The following ZRANB3 variants were observed in gnomAD, a reference collection of about 807,000 sequenced individuals.
ZRANB3 encodes the protein zinc finger RANBP2-type containing 3, also known as DNA annealing helicase and endonuclease ZRANB3.
ZRANB3 carries 125 observed loss-of-function variants against 133.8 expected under a neutral mutation model. That is an observed-to-expected ratio of 0.93 (90% confidence interval 0.81 to 1.08). The LOEUF is 1.08. Ranked by LOEUF, ZRANB3 falls within the 50% of genes least tolerant of loss-of-function variation. The pLI is 0.00. For missense variants in ZRANB3, 1,229 were observed against 1,275.5 expected, an observed-to-expected ratio of 0.96 and a Z score of 0.56; for synonymous variants, 387 against 432.7, an observed-to-expected ratio of 0.89 and a Z score of 1.31.
intron 8 of ZRANB3, among the ~76,000 whole-genome samples, chr2:135,304,833 CTTA>C (rs1184615932): frequency 6.6e-6 from 1 of 151,926 alleles, no homozygotes; most frequent in Non-Finnish European, 1.5e-5. Context: ...ATGATATTCT[CTTA>C]TTATCTTTTT....
At chr2:135,283,351 C>T (rs921123024) in intron 8 of ZRANB3, among the ~76,000 whole-genome samples, 1 of 150,920 alleles carries the variant, frequency 6.6e-6, no homozygotes, top group Non-Finnish European at 1.5e-5. Flanking sequence ...TGGCTCACGC[C>T]TGTAATCCCA....
chr2:135,217,663 G>T lies in ZRANB3; in HGVS notation c.2353-56C>A, dbSNP rs954490956. On this transcript the variant is annotated intron_variant, in intron 16 of 20. Coordinates refer to ENST00000264159, the MANE Select transcript of ZRANB3 (RefSeq NM_032143.4). ...AGCTCACAGGCAGATATCTTCCTTT[G>T]AATGTGAGCCTATTTACAACATCAG... The T allele has an allele frequency of 6.4e-6, 10 of 1,571,144 alleles. No homozygotes were observed. The African/African-American group carries it at 1.4e-4, about 21-fold the overall frequency.
At chr2:135,444,702 G>A (rs1689938058) in intron 2 of ZRANB3, among the ~76,000 whole-genome samples, 1 of 152,182 alleles carries the variant, frequency 6.6e-6, no homozygotes. Flanking sequence ...AAACTTTTTG[G>A]TAAAACGGAA....
chr2:135,382,927 A>T (rs1232038237), intron 3 of ZRANB3, among the ~76,000 whole-genome samples: 2 of 152,258 alleles, frequency 1.3e-5, no homozygotes, highest in Non-Finnish European at 2.9e-5. Flanking sequence ...AAGAAAGTGC[A>T]TCAACTAACG....
chr2:135,219,127 G>T lies in ZRANB3; in HGVS notation c.2302C>A (p.Leu768Ile). ...NFIPLDIKLD[L>I]WEDLPASFQL... ...AAGCTTGCTGGTAAATCTTCCCAAA[G>T]GTCTAATTTTATATCCAGAGGAATG... The change falls in exon 16 of 21, where the codon CTT becomes ATT. Residue 768 changes from leucine to isoleucine, a missense_variant. Transcript: ENST00000264159. The T allele has an allele frequency of 6.5e-7, 1 of 1,538,324 alleles. No individual in the cohort carries two copies. Among genetic ancestry groups the T allele is most frequent in the Non-Finnish European group, 8.7e-7 (1 of 1,147,174 alleles).
At chr2:135,407,416 C>A (rs945190197) in intron 2 of ZRANB3, among the ~76,000 whole-genome samples, 2 of 151,524 alleles carry the variant, frequency 1.3e-5, no homozygotes, top group African/African-American at 4.9e-5. Context: ...TTTATAGATT[C>A]AATGCCATCC....
chr2:135,316,799 C>T (rs56130653), intron 6 of ZRANB3, among the ~76,000 whole-genome samples: 4 of 151,796 alleles, frequency 2.6e-5, no homozygotes, highest in Non-Finnish European at 2.9e-5. Context: ...GACCCTGTCT[C>T]TGCTAAAAAT....
intron 2 of ZRANB3, among the ~76,000 whole-genome samples, chr2:135,496,401 A>C (rs1421565767): frequency 2.7e-5 from 4 of 145,990 alleles, no homozygotes; most frequent in African/African-American, 5.4e-5. Context: ...AAAAAAAAAA[A>C]AAAAAAAAAA....
chr2:135,353,470 A>C lies in ZRANB3; in HGVS notation c.339T>G (p.Ile113Met). The C allele has an allele frequency of 6.3e-7, 1 of 1,594,648 alleles. No homozygotes were observed. The highest frequency in any genetic ancestry group is 2.3e-5 in the East Asian group (1 of 44,258). Residue 113 changes from isoleucine to methionine, a missense_variant, in exon 4 of 21, where the codon ATT (isoleucine) becomes ATG (methionine). Transcript: ENST00000264159. The stretch of plus-strand genomic sequence containing the variant: ...CTTACCTAACATCAGTTTTATTCTG[A>C]ATAACATTGATTTCTTCTGGACTTA... ...PELSPEEINVIQNKTDVRRMS... is the reference protein window; with the variant it reads ...PELSPEEINVMQNKTDVRRMS...
At chr2:135,206,928 G>A (rs1693886101) in intron 19 of ZRANB3, among the ~76,000 whole-genome samples, 1 of 152,146 alleles carries the variant, frequency 6.6e-6, no homozygotes, top group Non-Finnish European at 1.5e-5. Flanking sequence ...ACTTTGGGAG[G>A]CTGAGGCGGG....
chr2:135,469,869 G>A (rs571081035), intron 2 of ZRANB3, among the ~76,000 whole-genome samples: 13 of 151,410 alleles, frequency 8.6e-5, no homozygotes, highest in East Asian at 1.9e-4. Context: ...AAAAATTAGC[G>A]GGCGTGGTGG....
chr2:135,305,170 G>T (rs1384921787), intron 8 of ZRANB3, among the ~76,000 whole-genome samples: 1 of 152,084 alleles, frequency 6.6e-6, no homozygotes, highest in African/African-American at 2.4e-5. Flanking sequence ...TAGAGACGGG[G>T]TTTCGCCATG....
intron 11 of ZRANB3, among the ~76,000 whole-genome samples, 168 bp downstream of exon 11, chr2:135,268,794 C>T (rs1166975954): frequency 6.6e-6 from 1 of 152,114 alleles, no homozygotes; most frequent in Non-Finnish European, 1.5e-5. Context: ...GGAGAGCAGA[C>T]AAGGTACTAC....
At chr2:135,403,094 C>T (rs961064525) in intron 2 of ZRANB3, among the ~76,000 whole-genome samples, 7 of 152,014 alleles carry the variant, frequency 4.6e-5, no homozygotes, top group South Asian at 2.1e-4. Context: ...TGGGGAGTGT[C>T]GGAAAGTGGG....
intron 2 of ZRANB3, among the ~76,000 whole-genome samples, chr2:135,403,454 G>A (rs1361114241): frequency 6.6e-6 from 1 of 152,246 alleles, no homozygotes; most frequent in Non-Finnish European, 1.5e-5. Flanking sequence ...AAACCAGCCT[G>A]GAAGCTCCAA....
chr2:135,229,997 C>T (rs1291338704), intron 13 of ZRANB3, among the ~76,000 whole-genome samples: 1 of 152,070 alleles, frequency 6.6e-6, no homozygotes, highest in East Asian at 1.9e-4. Flanking sequence ...CAAATTGGTT[C>T]ACAAATGAAG....
At chr2:135,475,769 T>A (rs954824675) in intron 2 of ZRANB3, among the ~76,000 whole-genome samples, 3 of 152,148 alleles carry the variant, frequency 2.0e-5, no homozygotes, top group African/African-American at 7.2e-5. Flanking sequence ...AAGTGGCTAA[T>A]AAGGCAAATA....
intron 6 of ZRANB3, among the ~76,000 whole-genome samples, chr2:135,317,556 T>C (rs946495077): frequency 1.2e-4 from 19 of 152,180 alleles, no homozygotes; most frequent in African/African-American, 4.1e-4. Flanking sequence ...CAACACACAA[T>C]TGTCTTCAAA....
intron 2 of ZRANB3, among the ~76,000 whole-genome samples, chr2:135,419,417 AAG>A (rs373313407): frequency 2.0e-5 from 3 of 151,722 alleles, no homozygotes; most frequent in African/African-American, 4.8e-5. Flanking sequence ...TGTACAGAGA[AAG>A]AGAGAGAGAA....
Sources: gnomAD v4.1 joint callset for allele counts (sites outside exome capture counted in the v4.1 genomes callset) on GRCh38, gnomAD v4.1.1 for gene constraint, MANE v1.5 for transcripts, NCBI Gene and HGNC (gene_info 2026-07-23, HGNC 2026-07-21) for gene names.